The following EXOC4 variants were observed in gnomAD, a reference collection of about 807,000 sequenced individuals.
The protein encoded by EXOC4 is SEC8-like 1.
EXOC4 carries 71 observed loss-of-function variants against 107.2 expected under a neutral mutation model. The ratio of observed to expected loss-of-function variants is 0.66; its 90% CI spans 0.55 to 0.81. The LOEUF is 0.81. Ranked by LOEUF, EXOC4 falls within the 30% of genes least tolerant of loss-of-function variation. EXOC4 has a pLI of 0.00. For synonymous variants in EXOC4, 456 were observed against 441.2 expected, an observed-to-expected ratio of 1.03 and a Z score of -0.42; for missense variants, 1,108 against 1,189.6, an observed-to-expected ratio of 0.93 and a Z score of 1.01.
chr7:134,076,962 G>C, the EXOC4 span, among the ~76,000 whole-genome samples: 4 of 150,126 alleles, frequency 2.7e-5, no homozygotes, highest in African/African-American at 1.0e-4. Flanking sequence ...CTGCATATGT[G>C]TGTGTGTGTG....
At chr7:133,925,741 G>C (rs1310091995) in intron 13 of EXOC4, among the ~76,000 whole-genome samples, 2 of 152,116 alleles carry the variant, frequency 1.3e-5, no homozygotes, top group African/African-American at 4.8e-5. Context: ...CTACAGATTA[G>C]TCTTGAAAGA....
intron 9 of EXOC4, among the ~76,000 whole-genome samples, chr7:133,573,136 G>C (rs1228156827): frequency 6.6e-6 from 1 of 152,156 alleles, no homozygotes. Flanking sequence ...GTTAGATCTT[G>C]TGTATAGTTA....
At chr7:133,342,661 A>G (rs1258412694) in intron 5 of EXOC4, among the ~76,000 whole-genome samples, 1 of 149,110 alleles carries the variant, frequency 6.7e-6, no homozygotes, top group Non-Finnish European at 1.5e-5. Flanking sequence ...ACACCAATTA[A>G]TTTTAGGTTT....
intron 12 of EXOC4, among the ~76,000 whole-genome samples, chr7:133,914,742 G>T (rs1799768118): frequency 6.6e-6 from 1 of 152,174 alleles, no homozygotes; most frequent in South Asian, 2.1e-4. Flanking sequence ...TGAAAATTCT[G>T]GGCAAATGCA....
chr7:133,604,912 A>C (rs1233779743), intron 9 of EXOC4, among the ~76,000 whole-genome samples: 1 of 151,290 alleles, frequency 6.6e-6, no homozygotes, highest in Non-Finnish European at 1.5e-5. Context: ...TTTCGTGGAG[A>C]TGAGATTTCA....
At chr7:134,063,068 G>A (rs1466163621) in intron 17 of EXOC4, among the ~76,000 whole-genome samples, 1 of 152,192 alleles carries the variant, frequency 6.6e-6, no homozygotes, top group African/African-American at 2.4e-5. Context: ...TCTGGAAGAA[G>A]GAAGTCCTTT....
chr7:133,842,081 C>A (rs746318653), intron 11 of EXOC4, among the ~76,000 whole-genome samples: 10 of 152,122 alleles, frequency 6.6e-5, no homozygotes, highest in Non-Finnish European at 1.5e-4. Flanking sequence ...GATTCCATGT[C>A]TTTGCTATTG....
chr7:133,570,200 G>A (rs1396085186), intron 9 of EXOC4, among the ~76,000 whole-genome samples: 1 of 152,166 alleles, frequency 6.6e-6, no homozygotes, highest in African/African-American at 2.4e-5. Flanking sequence ...CATGCATTTA[G>A]AGCCTCTGTA....
At position 134,064,462 on chromosome 7, in the gene EXOC4, A is replaced by C. The variant is rs762787759; in HGVS notation, c.2859A>C (p.Lys953Asn). Residue 953 changes from lysine to asparagine, a missense_variant, in exon 18 of 18, where the codon AAA becomes AAC. By Grantham distance (94) the Lys-to-Asn change is moderately conservative. Transcript: ENST00000253861. Reference protein sequence around the residue: ...TTQNTRLQRLKEIICEQAAIK... With the variant: ...TTQNTRLQRLNEIICEQAAIK... ...AGAACACGAGGCTGCAGAGGCTCAA[A>C]GAGATCATCTGCGAGCAGGCTGCCA... The C allele has an allele frequency of 1.2e-6, 2 of 1,609,012 alleles. No individual in the cohort carries two copies. The highest frequency in any genetic ancestry group is 2.2e-5 in the South Asian group (2 of 90,044).
intron 12 of EXOC4, among the ~76,000 whole-genome samples, chr7:133,902,902 G>T (rs1799486442): frequency 6.6e-6 from 1 of 152,146 alleles, no homozygotes; most frequent in Non-Finnish European, 1.5e-5. Flanking sequence ...AGTAAGTACT[G>T]TGGAGAAAAG....
intron 10 of EXOC4, among the ~76,000 whole-genome samples, chr7:133,685,364 C>G (rs1424092897): frequency 6.6e-6 from 1 of 152,254 alleles, no homozygotes; most frequent in East Asian, 1.9e-4. Context: ...ACTTATCCTT[C>G]CTGATGCCTT....
chr7:133,644,885 T>C (rs573686156), intron 10 of EXOC4, among the ~76,000 whole-genome samples: 24 of 152,132 alleles, frequency 1.6e-4, no homozygotes, highest in African/African-American at 5.5e-4. Flanking sequence ...TTAAGCATCA[T>C]TTCCTTCATT....
At chr7:133,391,652 T>C (rs1386179999) in intron 7 of EXOC4, among the ~76,000 whole-genome samples, 1 of 152,216 alleles carries the variant, frequency 6.6e-6, no homozygotes, top group Non-Finnish European at 1.5e-5. Context: ...TAGGATGATG[T>C]TGAGGAAATA....
intron 10 of EXOC4, among the ~76,000 whole-genome samples, chr7:133,722,026 A>T (rs147866500): frequency 2.0e-5 from 3 of 152,362 alleles, no homozygotes; most frequent in African/African-American, 7.2e-5. Context: ...GAGTTTGAAC[A>T]TACTGAATTT....
intron 11 of EXOC4, among the ~76,000 whole-genome samples, chr7:133,853,294 GCCCTCTCTTTCTCTCT>G (rs1798273735): frequency 1.4e-5 from 2 of 142,230 alleles, no homozygotes; most frequent in Non-Finnish European, 3.1e-5. Flanking sequence ...TCTGTCCCTC[GCCCTCTCTTTCTCTCT>G]CCCTCTCTTT....
At chr7:133,857,630 A>T (rs932141614) in intron 11 of EXOC4, among the ~76,000 whole-genome samples, 2 of 151,604 alleles carry the variant, frequency 1.3e-5, no homozygotes, top group African/African-American at 4.8e-5. Context: ...CAGCCAGTGC[A>T]CACAGCCAGA....
intron 17 of EXOC4, among the ~76,000 whole-genome samples, chr7:134,044,304 A>G (rs2116544295): frequency 6.6e-6 from 1 of 152,292 alleles, no homozygotes; most frequent in African/African-American, 2.4e-5. Flanking sequence ...GCACATGTGG[A>G]AGGTCATGAG....
chr7:133,876,566 T>G (rs1196842839), intron 11 of EXOC4, among the ~76,000 whole-genome samples: 2 of 152,054 alleles, frequency 1.3e-5, no homozygotes, highest in Non-Finnish European at 2.9e-5. Context: ...TTTTTCTCTG[T>G]TGGATCTTCT....
At chr7:133,377,078 G>A (rs1485973817) in intron 7 of EXOC4, among the ~76,000 whole-genome samples, 1 of 152,210 alleles carries the variant, frequency 6.6e-6, no homozygotes, top group Non-Finnish European at 1.5e-5. Flanking sequence ...CCACCAGGGA[G>A]TGGTGGCTCA....
Sources: allele counts gnomAD v4.1 joint callset (sites outside exome capture counted in the v4.1 genomes callset), GRCh38; gene constraint gnomAD v4.1.1; transcripts MANE v1.5; gene names NCBI Gene and HGNC (gene_info 2026-07-23, HGNC 2026-07-21).